MYZAP: variants seen among roughly 807,000 people sequenced by gnomAD.
MYZAP encodes GRINL1A complex locus upstream.
MYZAP carries 66 observed loss-of-function variants against 69.4 expected under a neutral mutation model. The observed-to-expected ratio is 0.95, with a 90% CI of 0.78 to 1.17. MYZAP has a LOEUF of 1.17. MYZAP is among the 50% of genes most tolerant of loss of function. MYZAP has a pLI of 0.00. For synonymous variants in MYZAP, 256 were observed against 205.9 expected (o/e 1.24, Z -2.09); for missense variants, 611 against 556.2 (o/e 1.10, Z -0.99).
intron 12 of MYZAP, among the ~76,000 whole-genome samples, chr15:57,681,676 T>C (rs1187465588): frequency 6.6e-6 from 1 of 152,052 alleles, no homozygotes; most frequent in East Asian, 1.9e-4. Context: ...TCCCAGCTAC[T>C]TGGGAGGCTG....
chr15:57,625,275 C>T (rs965738977), intron 4 of MYZAP, among the ~76,000 whole-genome samples: 4 of 152,046 alleles, frequency 2.6e-5, no homozygotes, highest in Non-Finnish European at 5.9e-5. Flanking sequence ...AGTTTCACCA[C>T]GTTGGCCAGG....
intron 3 of MYZAP, 140 bp downstream of exon 3, chr15:57,618,328 C>G: frequency 7.5e-7 from 1 of 1,337,694 alleles, no homozygotes; most frequent in Non-Finnish European, 1.0e-6. Flanking sequence ...GGAAATGTTT[C>G]TGTGTATCTT....
rs2033685878 is a variant in MYZAP, at chr15:57,591,931, AG to A, written c.-103del. ...TCGCGGTGCAGCTGAGGCTGCAAGTAGCCGGCGCCGTCCCGCGTCGCCCCCG... is the reference window on the plus strand; with the variant it reads ...TCGCGGTGCAGCTGAGGCTGCAAGTACCGGCGCCGTCCCGCGTCGCCCCCG... On this transcript the variant is annotated 5_prime_UTR_variant, in exon 1 of 13. Coordinates refer to ENST00000267853, the MANE Select transcript of MYZAP (RefSeq NM_001018100.5). 9.1e-7 allele frequency: 1 copy of A among 1,095,154 alleles called. No individual in the cohort carries two copies. The highest frequency in any genetic ancestry group is 1.7e-5 in the African/African-American group (1 of 60,246). 67.8% of individuals were successfully genotyped at this position (1,095,154 alleles called of 1,614,324 possible). A position where few individuals can be genotyped will look rare whatever the true frequency, so the allele number is the denominator to read the frequency against.
At chr15:57,592,564 G>A (rs1255263380) in intron 1 of MYZAP, among the ~76,000 whole-genome samples, 1 of 152,176 alleles carries the variant, frequency 6.6e-6, no homozygotes, top group African/African-American at 2.4e-5. Flanking sequence ...CTGGAGTGGG[G>A]TTAGCCAAGG....
At chr15:57,613,177 C>G (rs8024736) in intron 2 of MYZAP, among the ~76,000 whole-genome samples, 10,681 of 152,176 alleles carry the variant, frequency 0.07, 1,022 homozygotes, top group African/African-American at 0.22. Flanking sequence ...TGTGATCCAC[C>G]TGCCTCGGCC....
intron 10 of MYZAP, chr15:57,647,662 T>C (rs556007750): frequency 4.8e-4 from 469 of 985,430 alleles, no homozygotes; most frequent in Non-Finnish European, 5.3e-4. Flanking sequence ...CTGGAGCAGA[T>C]AGTGAGTGAG....
At chr15:57,605,086 G>A (rs1056421456) in intron 2 of MYZAP, among the ~76,000 whole-genome samples, 8 of 152,102 alleles carry the variant, frequency 5.3e-5, no homozygotes, top group African/African-American at 1.9e-4. Flanking sequence ...TAGGCCTGTG[G>A]TCCTGGCCGA....
At chr15:57,604,839 C>A (rs192433657) in intron 2 of MYZAP, among the ~76,000 whole-genome samples, 1 of 152,276 alleles carries the variant, frequency 6.6e-6, no homozygotes, top group East Asian at 1.9e-4. Context: ...AGGAGGCATT[C>A]GGCAAACATT....
chr15:57,641,306 C>T (rs558107356), intron 10 of MYZAP, among the ~76,000 whole-genome samples: 1 of 152,282 alleles, frequency 6.6e-6, no homozygotes, highest in South Asian at 2.1e-4. Context: ...TGTTTCCTAA[C>T]TTACTTCCAG....
At chr15:57,638,610 C>T (rs564358987) in intron 9 of MYZAP, among the ~76,000 whole-genome samples, 1 of 152,296 alleles carries the variant, frequency 6.6e-6, no homozygotes, top group South Asian at 2.1e-4. Flanking sequence ...TCCTCCAGTG[C>T]CCAGCCCCAG....
At chr15:57,640,430 G>A (rs2037079335) in intron 10 of MYZAP, among the ~76,000 whole-genome samples, 1 of 151,982 alleles carries the variant, frequency 6.6e-6, no homozygotes, top group Non-Finnish European at 1.5e-5. Context: ...AAAAAAAAAG[G>A]TTTCAATTTA....
Position 57,684,634 on chromosome 15 carries a change from C to T in MYZAP, c.*136C>T, listed in dbSNP as rs1162312947. Reference sequence around the variant, plus strand: ...AATGGGAATCGCTGAGGCTCTGATCCACTTCTAAGACAGGAAGGAAAGTGA... The same window carrying T: ...AATGGGAATCGCTGAGGCTCTGATCTACTTCTAAGACAGGAAGGAAAGTGA... On this transcript the variant is annotated 3_prime_UTR_variant, in exon 13 of 13. Transcript: ENST00000267853. 3.1e-6 allele frequency: 2 copies of T among 645,104 alleles called. No individual in the cohort carries two copies. Among genetic ancestry groups the T allele is most frequent in the South Asian group, 1.9e-5 (1 of 51,924 alleles). 40.0% of individuals were successfully genotyped at this position (645,104 alleles called of 1,614,324 possible).
In MYZAP at chr15:57,632,493, C is replaced by T. The variant is rs1261081088; in HGVS notation, c.738C>T (p.Tyr246=). Residue 246 remains tyrosine (Y), a synonymous_variant, in exon 7 of 13, where the codon TAC becomes TAT. Coordinates refer to ENST00000267853, the MANE Select transcript of MYZAP (RefSeq NM_001018100.5). ...TGCGAGAGATGACCAAGAAGCTGTA[C>T]AGCCAGTATGAGGAGAAGCTGCAGG... ...EVMREMTKKL[Y]SQYEEKLQEE... The T allele has an allele frequency of 1.9e-6, 3 of 1,614,096 alleles. No homozygotes were observed. The highest frequency in any genetic ancestry group is 1.3e-5 in the African/African-American group (1 of 74,924).
At chr15:57,620,110 G>A (rs923586113) in intron 3 of MYZAP, among the ~76,000 whole-genome samples, 4 of 152,150 alleles carry the variant, frequency 2.6e-5, no homozygotes, top group Admixed American at 6.5e-5. Flanking sequence ...CATGAAAGCC[G>A]TTCTGCCTGC....
At chr15:57,672,875 G>C (rs1283933116) in intron 11 of MYZAP, among the ~76,000 whole-genome samples, 1 of 152,008 alleles carries the variant, frequency 6.6e-6, no homozygotes, top group Non-Finnish European at 1.5e-5. Flanking sequence ...TCCCCTCTGA[G>C]TTCCCTCTTA....
At chr15:57,680,484 TTCAC>T (rs1479625073) in intron 12 of MYZAP, among the ~76,000 whole-genome samples, 1 of 88,986 alleles carries the variant, frequency 1.1e-5, no homozygotes, top group Non-Finnish European at 2.3e-5. Context: ...GGTTCAGGAG[TTCAC>T]ACACACACAC....
At chr15:57,646,985 G>C in intron 10 of MYZAP, 1 of 985,414 alleles carries the variant, frequency 1.0e-6, no homozygotes, top group Non-Finnish European at 1.2e-6. Context: ...AGAACTAGCA[G>C]TAGTAGCTGC....
At chr15:57,655,582 C>T (rs2037972278) in intron 10 of MYZAP, among the ~76,000 whole-genome samples, 1 of 150,966 alleles carries the variant, frequency 6.6e-6, no homozygotes, top group African/African-American at 2.4e-5. Context: ...GCAGGTAACT[C>T]GATTGTAGCT....
At chr15:57,607,382 T>C (rs1355883763) in intron 2 of MYZAP, among the ~76,000 whole-genome samples, 1 of 152,186 alleles carries the variant, frequency 6.6e-6, no homozygotes, top group Non-Finnish European at 1.5e-5. Flanking sequence ...CTGTGTCAAC[T>C]GGAGTCAACA....
Sources: allele counts gnomAD v4.1 joint callset (sites outside exome capture counted in the v4.1 genomes callset), GRCh38; gene constraint gnomAD v4.1.1; transcripts MANE v1.5; gene names NCBI Gene and HGNC (gene_info 2026-07-23, HGNC 2026-07-21).